Variants in MGMT observed in about 807,000 individuals in gnomAD.
MGMT encodes the protein methylated-DNA--protein-cysteine methyltransferase.
A neutral mutation model predicts 15.9 loss-of-function variants in MGMT; 14 were observed. The ratio of observed to expected loss-of-function variants is 0.88; its 90% CI spans 0.58 to 1.37. The LOEUF (loss-of-function observed/expected upper bound fraction) is 1.37. MGMT is among the 40% of genes most tolerant of loss of function. MGMT has a pLI of 0.00. For synonymous variants in MGMT, 130 were observed against 118.2 expected (o/e 1.10, Z -0.65); for missense variants, 282 against 268.1 (o/e 1.05, Z -0.36).
At chr10:129,746,260 C>CA (rs1328825082) in intron 3 of MGMT, among the ~76,000 whole-genome samples, 12 of 141,146 alleles carry the variant, frequency 8.5e-5, no homozygotes, top group South Asian at 2.3e-4. Flanking sequence ...AAAAAACAAA[C>CA]AAAAAAAAAC....
At chr10:129,531,785 T>TG (rs150290801) in intron 1 of MGMT, among the ~76,000 whole-genome samples, 7,441 of 76,668 alleles carry the variant, frequency 0.097, 457 homozygotes, top group African/African-American at 0.23. Context: ...CTGGTGGGGG[T>TG]GGGGGGGGGT....
At chr10:129,544,480 T>C (rs1367870155) in intron 2 of MGMT, among the ~76,000 whole-genome samples, 1 of 152,212 alleles carries the variant, frequency 6.6e-6, no homozygotes, top group Non-Finnish European at 1.5e-5. Context: ...CCGTGCACAG[T>C]ATCCTGTCTA....
intron 2 of MGMT, among the ~76,000 whole-genome samples, chr10:129,697,485 A>G (rs1316780748): frequency 6.6e-6 from 1 of 152,102 alleles, no homozygotes; most frequent in African/African-American, 2.4e-5. Context: ...TAACCTCCGG[A>G]CCTCAGTTTC....
intron 3 of MGMT, among the ~76,000 whole-genome samples, chr10:129,719,765 T>C (rs1230584028): frequency 6.6e-6 from 1 of 152,158 alleles, no homozygotes; most frequent in Non-Finnish European, 1.5e-5. Flanking sequence ...AACATACGAA[T>C]TTTGGCAGAA....
intron 3 of MGMT, among the ~76,000 whole-genome samples, chr10:129,726,014 G>T (rs1848429616): frequency 6.6e-6 from 1 of 152,092 alleles, no homozygotes; most frequent in Admixed American, 6.5e-5. Flanking sequence ...CGAGCCTTGG[G>T]AGAGGAGTGT....
At chr10:129,615,433 A>G (rs1847013832) in intron 2 of MGMT, among the ~76,000 whole-genome samples, 1 of 152,054 alleles carries the variant, frequency 6.6e-6, no homozygotes, top group Non-Finnish European at 1.5e-5. Context: ...CTGAGCCTTA[A>G]AGTGGATCTT....
At chr10:129,682,134 C>G (rs942211101) in intron 2 of MGMT, among the ~76,000 whole-genome samples, 1 of 152,098 alleles carries the variant, frequency 6.6e-6, no homozygotes, top group Non-Finnish European at 1.5e-5. Context: ...GGAAGTTGTA[C>G]TTCTGCTCTT....
chr10:129,724,738 A>G (rs1214712348), intron 3 of MGMT, among the ~76,000 whole-genome samples: 1 of 152,228 alleles, frequency 6.6e-6, no homozygotes, highest in African/African-American at 2.4e-5. Context: ...AATGTCAATT[A>G]TATCATCTGA....
chr10:129,595,767 ATCC>A (rs1380884876), intron 2 of MGMT, among the ~76,000 whole-genome samples: 1 of 152,006 alleles, frequency 6.6e-6, no homozygotes, highest in Non-Finnish European at 1.5e-5. Context: ...AGATTGTCTA[ATCC>A]TCCTGCAGGT....
chr10:129,664,619 G>C (rs1847636440), intron 2 of MGMT, among the ~76,000 whole-genome samples: 1 of 152,200 alleles, frequency 6.6e-6, no homozygotes, highest in Non-Finnish European at 1.5e-5. Context: ...ATGCACCACT[G>C]AAAAGGATCT....
At chr10:129,500,258 C>T (rs1054428475) in intron 1 of MGMT, among the ~76,000 whole-genome samples, 1 of 152,164 alleles carries the variant, frequency 6.6e-6, no homozygotes, top group Non-Finnish European at 1.5e-5. Flanking sequence ...ACCGTAGAAG[C>T]GTGTGCTGTG....
chr10:129,564,121 C>T (rs1846312547), intron 2 of MGMT: 1 of 152,308 alleles, frequency 6.6e-6, no homozygotes, highest in Non-Finnish European at 1.5e-5. Context: ...CTGAAAATGA[C>T]CTCCTCCCCT....
At chr10:129,474,978 T>C (rs561595589) in intron 1 of MGMT, among the ~76,000 whole-genome samples, 79 of 151,924 alleles carry the variant, frequency 5.2e-4, no homozygotes, top group African/African-American at 1.7e-3. Flanking sequence ...CTAGACTGAA[T>C]GAGGTGAAGA....
intron 1 of MGMT, 135 bp downstream of exon 1, chr10:129,467,431 G>C: frequency 7.3e-7 from 1 of 1,369,364 alleles, no homozygotes; most frequent in South Asian, 1.7e-5. Flanking sequence ...CCCATCCCGG[G>C]CGAGCTCCAG....
chr10:129,499,228 G>C (rs1431227138), intron 1 of MGMT, among the ~76,000 whole-genome samples: 1 of 152,166 alleles, frequency 6.6e-6, no homozygotes, highest in East Asian at 1.9e-4. Flanking sequence ...GGTGGAAAAA[G>C]TCACAGAATT....
chr10:129,646,754 A>ATATATATATATATATTTTTTTTT, intron 2 of MGMT, among the ~76,000 whole-genome samples: 14 of 86,658 alleles, frequency 1.6e-4, no homozygotes, highest in South Asian at 6.7e-4. Flanking sequence ...ATATATATAT[A>ATATATATATATATATTTTTTTTT]TTTTCAGGGA....
At chr10:129,653,083 C>T (rs928388737) in intron 2 of MGMT, among the ~76,000 whole-genome samples, 4 of 152,148 alleles carry the variant, frequency 2.6e-5, no homozygotes, top group South Asian at 2.1e-4. Flanking sequence ...CTTGGTCGTC[C>T]GGTCGGCTGT....
At chr10:129,504,566 C>T (rs1301897908) in intron 1 of MGMT, among the ~76,000 whole-genome samples, 1 of 152,194 alleles carries the variant, frequency 6.6e-6, no homozygotes, top group East Asian at 1.9e-4. Flanking sequence ...TGATTCCCCC[C>T]TTTTAAATGT....
At chr10:129,686,009 G>A (rs1847900519) in intron 2 of MGMT, among the ~76,000 whole-genome samples, 1 of 152,196 alleles carries the variant, frequency 6.6e-6, no homozygotes, top group Admixed American at 6.5e-5. Context: ...AGTGGCAGAT[G>A]TGCTTAACCG....
Sources: gnomAD v4.1 joint callset for allele counts (sites outside exome capture counted in the v4.1 genomes callset) on GRCh38, gnomAD v4.1.1 for gene constraint, MANE v1.5 for transcripts, NCBI Gene and HGNC (gene_info 2026-07-23, HGNC 2026-07-21) for gene names.